The following MAP4K5 variants were observed in gnomAD, a reference collection of about 807,000 sequenced individuals.
The protein encoded by MAP4K5 is MAPK/ERK kinase kinase kinase 5.
MAP4K5 carries 82 observed loss-of-function variants against 135.6 expected under a neutral mutation model. The observed-to-expected ratio is 0.60, with a 90% CI of 0.51 to 0.73. The LOEUF is 0.73. MAP4K5 is among the 30% of genes least tolerant of loss of function. MAP4K5 has a pLI of 0.00. For missense variants in MAP4K5, 907 were observed against 1,010.9 expected (o/e 0.90, Z 1.39); for synonymous variants, 347 against 335.0 (o/e 1.04, Z -0.39).
chr14:50,486,342 TAA>T (rs1376362665), intron 3 of MAP4K5, 148 bp from the exon 4 acceptor site: 2 of 480,438 alleles, frequency 4.2e-6, no homozygotes, highest in East Asian at 3.9e-5. Flanking sequence ...AATCTTTCTA[TAA>T]AGTCAGAAGT....
intron 3 of MAP4K5, among the ~76,000 whole-genome samples, chr14:50,493,918 G>A (rs956145203): frequency 3.3e-5 from 5 of 151,500 alleles, no homozygotes; most frequent in Admixed American, 2.0e-4. Context: ...AATCCGGGAG[G>A]TGGAGGTTGC....
intron 2 of MAP4K5, chr14:50,505,058 C>A: frequency 2.3e-6 from 1 of 425,574 alleles, no homozygotes; most frequent in Non-Finnish European, 4.1e-6. Flanking sequence ...TAAAAAATTA[C>A]CAATAGTCCC....
Position 50,466,629 on chromosome 14 carries a change from A to G in MAP4K5, c.691T>C (p.Ser231Pro). 1 of 1,450,028 alleles carries G rather than the reference A, an allele frequency of 6.9e-7. No individual in the cohort carries two copies. The highest frequency in any genetic ancestry group is 9.5e-7 in the Non-Finnish European group (1 of 1,055,684). The allele number at this position is 1,450,028 out of a possible 1,614,324, so 89.8% of individuals were successfully genotyped here. Residue 231 changes from serine (S) to proline (P), a missense_variant, in exon 11 of 33, where the codon TCA becomes CCA. By Grantham distance (74) the Ser-to-Pro change is moderately conservative. Around this residue, in one of 3 missense-constraint regions of MAP4K5, gnomAD observed 690 missense variants for 777.4 expected, o/e 0.89. Coordinates refer to ENST00000682126, the MANE Select transcript of MAP4K5 (RefSeq NM_006575.6). ...TTTGGAGGCTGAAAATTACTTTTTG[A>G]CATTAAGAAGAGAGCCCTGAAATAA... ...LHPMRALFLM[S>P]KSNFQPPKLK...
intron 5 of MAP4K5, among the ~76,000 whole-genome samples, chr14:50,483,837 CATTTATTTATTTATTTATTT>C (rs72048369): frequency 1.2e-4 from 18 of 144,188 alleles, no homozygotes; most frequent in Admixed American, 2.1e-4. Context: ...ACAGCAATTC[CATTTATTTATTTATTTATTT>C]ATTTATTTAT....
At chr14:50,464,186 G>A (rs913664102) in intron 11 of MAP4K5, 53 bp from the exon 12 acceptor site, 12 of 875,260 alleles carry the variant, frequency 1.4e-5, no homozygotes, top group Non-Finnish European at 1.8e-5. Flanking sequence ...ACGTTTCGGT[G>A]TTAGTAAATA....
rs566271413 is a variant in MAP4K5 at position 50,432,867 on chromosome 14, C to T, written c.2164+1527G>A. On this transcript the variant is annotated intron_variant, in intron 28 of 32. Coordinates refer to ENST00000682126, the MANE Select transcript of MAP4K5 (RefSeq NM_006575.6). ...TTTCTTTTTTTTTGAGACAGAGTTT[C>T]GTTCTTGTTGCCCAGGCTGGAGTGC... 2.8e-4 allele frequency among the ~76,000 whole-genome samples: 42 copies of T among 151,900 alleles called. 1 individual carries two copies. Among genetic ancestry groups the T allele is most frequent in the African/African-American group, 5.8e-4 (24 of 41,432 alleles).
rs563534425 is a variant in MAP4K5 at position 50,473,489 on chromosome 14, A to G, written c.542+1588T>C. ...ATGAGACATTCTTTTTAACGACATAAGAACTTACATATGAAAAATATTAAA... is the reference window on the plus strand; with the variant it reads ...ATGAGACATTCTTTTTAACGACATAGGAACTTACATATGAAAAATATTAAA... On this transcript the variant is annotated intron_variant, in intron 9 of 32. Transcript: ENST00000682126. 4.6e-5 allele frequency among the ~76,000 whole-genome samples: 7 copies of G among 152,286 alleles called. No homozygotes were observed. In the South Asian group the frequency reaches 8.3e-4, roughly 18 times the overall value.
intron 14 of MAP4K5, among the ~76,000 whole-genome samples, chr14:50,452,918 G>C (rs1434894207): frequency 6.6e-6 from 1 of 152,158 alleles, no homozygotes; most frequent in African/African-American, 2.4e-5. Context: ...TGGAGCCACT[G>C]GTTGTTTTAC....
intron 4 of MAP4K5, 190 bp from the exon 5 acceptor site, chr14:50,485,832 T>C (rs1254833201): frequency 3.6e-6 from 2 of 553,778 alleles, no homozygotes; most frequent in Admixed American, 7.4e-5. Flanking sequence ...CTTCAGTGGT[T>C]TAGAATATGA....
At chr14:50,467,598 T>C (rs2036861342) in intron 10 of MAP4K5, among the ~76,000 whole-genome samples, 1 of 152,104 alleles carries the variant, frequency 6.6e-6, no homozygotes, top group African/African-American at 2.4e-5. Flanking sequence ...ACTACATATT[T>C]AGATTTTTTC....
intron 2 of MAP4K5, among the ~76,000 whole-genome samples, chr14:50,525,773 G>T (rs1180250349): frequency 6.6e-6 from 1 of 152,180 alleles, no homozygotes; most frequent in Non-Finnish European, 1.5e-5. Context: ...GAGCCTGGGA[G>T]GCGGAGGGTC....
chr14:50,507,136 T>C lies in MAP4K5; in HGVS notation c.109-2279A>G, dbSNP rs113418029. ...TCCGTAATAATGATGGCAATTATGT[T>C]TGTAATGCTTTACAGTTTGCAGGAA... On this transcript the variant is annotated intron_variant, in intron 2 of 32. Coordinates refer to ENST00000682126, the MANE Select transcript of MAP4K5 (RefSeq NM_006575.6). Among the ~76,000 whole-genome samples, 5 of 152,360 alleles carry C rather than the reference T, an allele frequency of 3.3e-5. 1 individual carries two copies. The highest frequency in any genetic ancestry group is 2.1e-4 in the South Asian group (1 of 4,828).
chr14:50,483,053 T>C (rs2037284953), intron 5 of MAP4K5: 1 of 152,084 alleles, frequency 6.6e-6, no homozygotes, highest in Non-Finnish European at 1.5e-5. Context: ...TCCTGAACAA[T>C]TTTTCAAAAA....
Position 50,448,725 on chromosome 14 carries a change from T to G in MAP4K5, c.1074+49A>C, listed in dbSNP as rs1372313662. On this transcript the variant is annotated intron_variant, in intron 15 of 32. Transcript: ENST00000682126. ...CAAAGTACAACTAACAAAAAAAAAG[T>G]TTTCTCAAATCTTAATGTGAAAATA... is the stretch of plus-strand genomic sequence containing the variant. 4 of 1,186,516 alleles carry G rather than the reference T, an allele frequency of 3.4e-6. No individual in the cohort carries two copies. The South Asian group carries it at 5.7e-5, about 17-fold the overall frequency. The allele number at this position is 1,186,516 out of a possible 1,614,324, so 73.5% of individuals were successfully genotyped here. A position where few individuals can be genotyped will look rare whatever the true frequency, so the allele number is the denominator to read the frequency against.
At chr14:50,423,286 CTT>C in intron 31 of MAP4K5, 110 bp from the exon 32 acceptor site, 1 of 515,208 alleles carries the variant, frequency 1.9e-6, no homozygotes, top group Non-Finnish European at 3.5e-6. Flanking sequence ...TTTTGGTAGA[CTT>C]AATTCCTCAA....
chr14:50,447,214 T>G (rs1053601568), intron 16 of MAP4K5, among the ~76,000 whole-genome samples, 200 bp downstream of exon 16: 1 of 152,202 alleles, frequency 6.6e-6, no homozygotes, highest in African/African-American at 2.4e-5. Flanking sequence ...CATAGCATAT[T>G]CTGATTAAAA....
chr14:50,485,769 G>A, intron 4 of MAP4K5, 127 bp from the exon 5 acceptor site: 1 of 614,542 alleles, frequency 1.6e-6, no homozygotes, highest in Non-Finnish European at 2.8e-6. Flanking sequence ...AAACTGCTAT[G>A]TAATCTTGCT....
intron 2 of MAP4K5, among the ~76,000 whole-genome samples, chr14:50,527,049 A>G (rs924614166): frequency 6.6e-6 from 1 of 152,258 alleles, no homozygotes; most frequent in Non-Finnish European, 1.5e-5. Flanking sequence ...TCCTTTAAAA[A>G]TAGTACTTTT....
chr14:50,440,387 T>A lies in MAP4K5; in HGVS notation c.1619A>T (p.Glu540Val), dbSNP rs556279954. ...EDGIYTLNLNELHEATMEQLF... is the reference protein window; with the variant it reads ...EDGIYTLNLNVLHEATMEQLF... ...CTGTTCCATCGTTGCCTCATGTAGC[T>A]CATTGAGATTCAGTGTGTAAATACC... Residue 540 changes from glutamate to valine, a missense_variant, in exon 22 of 33, where the codon GAG becomes GTG. Physicochemically the swap from Glu to Val is moderately radical, Grantham distance 121. Coordinates refer to ENST00000682126, the MANE Select transcript of MAP4K5 (RefSeq NM_006575.6). 1 of 1,603,730 alleles carries A rather than the reference T, an allele frequency of 6.2e-7. No homozygotes were observed. Among genetic ancestry groups the A allele is most frequent in the South Asian group, 1.1e-5 (1 of 89,810 alleles).
Sources: allele counts gnomAD v4.1 joint callset (sites outside exome capture counted in the v4.1 genomes callset), GRCh38; gene constraint gnomAD v4.1.1; regional missense constraint gnomAD v4.1.1; transcripts MANE v1.5; gene names NCBI Gene and HGNC (gene_info 2026-07-23, HGNC 2026-07-21).